The following MYO3B variants were observed in gnomAD, a reference collection of about 807,000 sequenced individuals.
MYO3B encodes myosin IIIB.
A neutral mutation model predicts 174.6 loss-of-function variants in MYO3B; 156 were observed. The ratio of observed to expected loss-of-function variants is 0.89; its 90% CI spans 0.78 to 1.02. The LOEUF is 1.02. Ranked by LOEUF, MYO3B falls within the 50% of genes least tolerant of loss-of-function variation. The probability of loss-of-function intolerance (pLI) is 0.00; values close to 1 mark genes in which losing one functional copy is unlikely to be tolerated. For missense variants in MYO3B, 1,632 were observed against 1,639.4 expected (o/e 1.00, Z 0.08); for synonymous variants, 563 against 569.1 (o/e 0.99, Z 0.15).
intron 7 of MYO3B, among the ~76,000 whole-genome samples, chr2:170,269,117 G>A (rs1042822206): frequency 6.6e-6 from 1 of 152,134 alleles, no homozygotes; most frequent in African/African-American, 2.4e-5. Context: ...ACACCTTACA[G>A]GCTGCCTCTT....
chr2:170,571,197 T>A (rs1692414459), intron 32 of MYO3B, among the ~76,000 whole-genome samples: 1 of 152,188 alleles, frequency 6.6e-6, no homozygotes, highest in Non-Finnish European at 1.5e-5. Flanking sequence ...CATTCCTTTG[T>A]TATTTGGTAT....
chr2:170,626,508 T>C lies in MYO3B; in HGVS notation c.3734-25120T>C, dbSNP rs144390374. ...GATGGGTCTTGACTTTTCATCCAAT[T>C]TGCCAGTCTGTGTCAATTGGAGCAT... On this transcript the variant is annotated intron_variant, in intron 32 of 34. Coordinates refer to ENST00000408978, the MANE Select transcript of MYO3B (RefSeq NM_138995.5). 1.4e-3 allele frequency among the ~76,000 whole-genome samples: 219 copies of C among 152,340 alleles called. 2 individuals are homozygous for C. Among genetic ancestry groups the C allele is most frequent in the African/African-American group, 4.8e-3 (198 of 41,582 alleles).
chr2:170,506,211 A>G lies in MYO3B; in HGVS notation c.3370+4346A>G, dbSNP rs1037803008. 8.5e-5 allele frequency among the ~76,000 whole-genome samples: 13 copies of G among 152,368 alleles called. No homozygotes were observed. In the East Asian group the frequency reaches 2.5e-3, roughly 29 times the overall value. The stretch of plus-strand genomic sequence containing the variant: ...GAGCAGAGTTGCTTTAAATGCTGCT[A>G]CCAGAAGAGAAAGCAAACATCGTAT... On this transcript the variant is annotated intron_variant, in intron 28 of 34. Transcript: ENST00000408978.
intron 32 of MYO3B, among the ~76,000 whole-genome samples, chr2:170,593,577 G>T (rs986952355): frequency 6.6e-6 from 1 of 152,172 alleles, no homozygotes; most frequent in Non-Finnish European, 1.5e-5. Flanking sequence ...AGCTAACACT[G>T]GCTCTCTCCT....
chr2:170,569,663 A>G (rs1423515891), intron 32 of MYO3B, among the ~76,000 whole-genome samples: 1 of 151,836 alleles, frequency 6.6e-6, no homozygotes, highest in East Asian at 1.9e-4. Context: ...GGAGTTCAAG[A>G]CCAGCCTGGC....
intron 23 of MYO3B, among the ~76,000 whole-genome samples, chr2:170,459,204 C>T (rs577278064): frequency 1.6e-4 from 25 of 152,338 alleles, no homozygotes; most frequent in African/African-American, 5.5e-4. Flanking sequence ...CGGGTTGCCA[C>T]TGCTGGCTCT....
chr2:170,256,196 A>C (rs933058323), intron 7 of MYO3B, among the ~76,000 whole-genome samples: 2 of 152,214 alleles, frequency 1.3e-5, no homozygotes, highest in African/African-American at 4.8e-5. Context: ...GAGAGTTAGC[A>C]ATTTGGCTAA....
intron 8 of MYO3B, among the ~76,000 whole-genome samples, chr2:170,367,769 A>G (rs1382042249): frequency 1.3e-5 from 2 of 152,224 alleles, no homozygotes; most frequent in Non-Finnish European, 2.9e-5. Flanking sequence ...TTCTTAAAGC[A>G]TATGCACTGA....
At chr2:170,641,858 T>TGGGGGGGGG (rs71008706) in intron 32 of MYO3B, among the ~76,000 whole-genome samples, 2 of 28,856 alleles carry the variant, frequency 6.9e-5, no homozygotes, top group Non-Finnish European at 4.9e-5. Flanking sequence ...TATTGTTAAG[T>TGGGGGGGGG]GGGGGGGGGG....
In MYO3B at chr2:170,236,093, C is replaced by T. The variant is rs556789877; in HGVS notation, c.706C>T (p.Leu236Phe). ...TGAACTGGGGGATGGAGACCCTCCC[C>T]TCTTTGACATGCATCCTGTGAAAAC... ...AIELGDGDPP[L>F]FDMHPVKTLF... Residue 236 changes from leucine to phenylalanine, a missense_variant, in exon 7 of 35, where the codon CTC (leucine) becomes TTC (phenylalanine). Physicochemically the swap from Leu to Phe is conservative, Grantham distance 22. Transcript: ENST00000408978. 12 of 1,614,024 alleles carry T rather than the reference C, an allele frequency of 7.4e-6. 1 individual carries two copies. The South Asian group carries it at 9.9e-5, about 13-fold the overall frequency.
intron 7 of MYO3B, among the ~76,000 whole-genome samples, chr2:170,308,114 A>G (rs1387682759): frequency 1.3e-5 from 2 of 152,214 alleles, no homozygotes; most frequent in Middle Eastern, 3.2e-3. Flanking sequence ...GGCCAGGGCA[A>G]TGATTTGAAT....
At chr2:170,646,643 G>T (rs899475976) in intron 32 of MYO3B, among the ~76,000 whole-genome samples, 2 of 152,138 alleles carry the variant, frequency 1.3e-5, no homozygotes, top group South Asian at 4.1e-4. Flanking sequence ...CAATCTGCCC[G>T]CCTAGGCCTC....
At chr2:170,511,208 C>T (rs886659779) in intron 28 of MYO3B, among the ~76,000 whole-genome samples, 2 of 151,858 alleles carry the variant, frequency 1.3e-5, no homozygotes, top group Admixed American at 1.3e-4. Context: ...TACAGGCGCC[C>T]GCCACCACGC....
At chr2:170,363,657 C>T (rs563037827) in intron 8 of MYO3B, among the ~76,000 whole-genome samples, 3 of 152,254 alleles carry the variant, frequency 2.0e-5, no homozygotes, top group Admixed American at 1.3e-4. Flanking sequence ...AATTAATCTT[C>T]AGCCAAGAAA....
chr2:170,221,156 T>C (rs2092895653), intron 6 of MYO3B, among the ~76,000 whole-genome samples: 1 of 152,074 alleles, frequency 6.6e-6, no homozygotes, highest in Admixed American at 6.5e-5. Context: ...GCCTGTGTGG[T>C]ATATTGATCC....
At chr2:170,259,677 C>T (rs1259107777) in intron 7 of MYO3B, among the ~76,000 whole-genome samples, 1 of 152,052 alleles carries the variant, frequency 6.6e-6, no homozygotes, top group East Asian at 1.9e-4. Flanking sequence ...AAAGTAGTTG[C>T]AATGAAAACA....
At chr2:170,289,801 A>G (rs1574724640) in intron 7 of MYO3B, among the ~76,000 whole-genome samples, 1 of 151,792 alleles carries the variant, frequency 6.6e-6, no homozygotes, top group Middle Eastern at 3.4e-3. Context: ...GTTTATTTGA[A>G]GTCTTTCTAC....
At position 170,621,511 on chromosome 2, in the gene MYO3B, T is replaced by C. The variant is rs184706267; in HGVS notation, c.3734-30117T>C. ...ACCAACTGGAAATGTTTTTTTGTTT[T>C]TTTGTTTTTTTGTTTTTGAGACAGA... On this transcript the variant is annotated intron_variant, in intron 32 of 34. Coordinates refer to ENST00000408978, the MANE Select transcript of MYO3B (RefSeq NM_138995.5). Among the ~76,000 whole-genome samples the C allele has an allele frequency of 2.6e-3, 373 of 141,680 alleles. 8 individuals carry two copies. Among genetic ancestry groups the C allele is most frequent in the African/African-American group, 9.6e-3 (353 of 36,806 alleles). 92.9% of individuals were successfully genotyped at this position (141,680 alleles called of 152,430 possible).
intron 25 of MYO3B, among the ~76,000 whole-genome samples, chr2:170,497,077 G>C (rs546087706): frequency 3.3e-5 from 5 of 152,076 alleles, no homozygotes; most frequent in Admixed American, 2.0e-4. Flanking sequence ...AGGTAGGAAG[G>C]TCACTCTCAC....
Sources: gnomAD v4.1 joint callset for allele counts (sites outside exome capture counted in the v4.1 genomes callset) on GRCh38, gnomAD v4.1.1 for gene constraint, MANE v1.5 for transcripts, NCBI Gene and HGNC (gene_info 2026-07-23, HGNC 2026-07-21) for gene names.